CDH18: variants seen among roughly 807,000 people sequenced by gnomAD.
The protein encoded by CDH18 is cadherin 18.
Under a neutral mutation model 67.9 loss-of-function variants are expected in CDH18, and 31 were observed. The ratio of observed to expected loss-of-function variants is 0.46; its 90% CI spans 0.34 to 0.62. The LOEUF (loss-of-function observed/expected upper bound fraction) is 0.62. Ranked by LOEUF, CDH18 falls within the 20% of genes least tolerant of loss-of-function variation. The pLI is 0.01. For synonymous variants in CDH18, 362 were observed against 347.2 expected, an observed-to-expected ratio of 1.04 and a Z score of -0.48; for missense variants, 890 against 975.5, an observed-to-expected ratio of 0.91 and a Z score of 1.17.
chr5:20,076,933 CA>C (rs1245217846), intron 2 of CDH18, among the ~76,000 whole-genome samples: 1 of 151,990 alleles, frequency 6.6e-6, no homozygotes, highest in Non-Finnish European at 1.5e-5. Context: ...CATTTATCAG[CA>C]AAAAGTGACT....
At chr5:19,993,988 A>AT (rs1189643934) in intron 2 of CDH18, among the ~76,000 whole-genome samples, 5 of 152,182 alleles carry the variant, frequency 3.3e-5, no homozygotes, top group African/African-American at 9.6e-5. Flanking sequence ...TATTAAAAGT[A>AT]TTTTTTAGCC....
intron 4 of CDH18, among the ~76,000 whole-genome samples, chr5:19,724,555 A>G: frequency 6.6e-6 from 1 of 152,064 alleles, no homozygotes; most frequent in Non-Finnish European, 1.5e-5. Context: ...TTATACAAGT[A>G]AATCTAGGGA....
chr5:19,769,325 G>A (rs1396369448), intron 3 of CDH18, among the ~76,000 whole-genome samples: 3 of 152,058 alleles, frequency 2.0e-5, no homozygotes, highest in African/African-American at 4.8e-5. Flanking sequence ...AAAGAATCTT[G>A]TTACCTGCAA....
At chr5:19,672,677 G>A (rs971263368) in intron 5 of CDH18, among the ~76,000 whole-genome samples, 1 of 151,878 alleles carries the variant, frequency 6.6e-6, no homozygotes, top group Non-Finnish European at 1.5e-5. Flanking sequence ...AGCTCCATAG[G>A]AATAGTGATG....
chr5:19,568,861 G>A (rs1310229012), intron 8 of CDH18, among the ~76,000 whole-genome samples: 2 of 152,166 alleles, frequency 1.3e-5, no homozygotes, highest in African/African-American at 2.4e-5. Flanking sequence ...ATCCCAAGAT[G>A]TAATAACTAG....
At chr5:20,390,102 C>G (rs1304588033) in intron 1 of CDH18, among the ~76,000 whole-genome samples, 2 of 152,068 alleles carry the variant, frequency 1.3e-5, no homozygotes, top group Non-Finnish European at 2.9e-5. Context: ...TCTAAAACAC[C>G]AAAAGCAATG....
chr5:20,464,438 T>C (rs961943943), intron 1 of CDH18, among the ~76,000 whole-genome samples: 1 of 147,534 alleles, frequency 6.8e-6, no homozygotes, highest in Admixed American at 6.9e-5. Context: ...ATTTTGTTCA[T>C]TGAGAATTTG....
At chr5:19,597,137 G>C (rs746787772) in intron 6 of CDH18, among the ~76,000 whole-genome samples, 6 of 152,092 alleles carry the variant, frequency 3.9e-5, no homozygotes, top group Admixed American at 6.5e-5. Context: ...GTTATGTTTC[G>C]TTGCAGCCCA....
At chr5:20,213,681 TG>T (rs1740533140) in intron 2 of CDH18, among the ~76,000 whole-genome samples, 1 of 152,132 alleles carries the variant, frequency 6.6e-6, no homozygotes, top group Non-Finnish European at 1.5e-5. Context: ...TGCAAAGAGG[TG>T]TTCATAATAT....
intron 2 of CDH18, among the ~76,000 whole-genome samples, chr5:20,014,565 C>T (rs180774270): frequency 3.3e-4 from 50 of 152,166 alleles, no homozygotes; most frequent in Non-Finnish European, 6.3e-4. Context: ...AATCTGAAAG[C>T]AAGACAAAAC....
intron 8 of CDH18, among the ~76,000 whole-genome samples, chr5:19,569,177 C>A (rs1276522582): frequency 6.6e-6 from 1 of 152,208 alleles, no homozygotes; most frequent in East Asian, 1.9e-4. Flanking sequence ...CTTACCATTG[C>A]AGAAAGCCTC....
intron 1 of CDH18, among the ~76,000 whole-genome samples, chr5:20,484,988 T>C (rs1049362804): frequency 1.3e-5 from 2 of 152,048 alleles, no homozygotes; most frequent in African/African-American, 2.4e-5. Context: ...AGGTGATTGA[T>C]AAAAAAAGTG....
intron 1 of CDH18, among the ~76,000 whole-genome samples, chr5:20,323,455 G>A (rs1738229029): frequency 1.3e-5 from 2 of 152,182 alleles, no homozygotes; most frequent in Non-Finnish European, 2.9e-5. Context: ...TGTTTTAAGA[G>A]AATGTACTTG....
At chr5:19,987,330 C>T (rs1799668504) in intron 1 of CDH18, among the ~76,000 whole-genome samples, 1 of 149,646 alleles carries the variant, frequency 6.7e-6, no homozygotes, top group Admixed American at 6.6e-5. Context: ...ACATAAAAAT[C>T]AAGACAAAAT....
chr5:20,378,918 T>A (rs1429705086), intron 1 of CDH18, among the ~76,000 whole-genome samples: 1 of 152,100 alleles, frequency 6.6e-6, no homozygotes, highest in Admixed American at 6.5e-5. Context: ...TTACCTTAAT[T>A]TTCCTACAGT....
intron 2 of CDH18, among the ~76,000 whole-genome samples, chr5:20,211,061 A>G (rs935513982): frequency 1.3e-5 from 2 of 152,174 alleles, no homozygotes; most frequent in African/African-American, 4.8e-5. Context: ...GACCACCACA[A>G]TAAAGCAAAT....
intron 3 of CDH18, among the ~76,000 whole-genome samples, chr5:19,803,492 T>G (rs958583599): frequency 1.3e-5 from 2 of 152,166 alleles, no homozygotes; most frequent in African/African-American, 4.8e-5. Context: ...ATGTAGCTAG[T>G]GACTATCGTA....
chr5:20,420,602 G>A lies in CDH18; in HGVS notation c.-580+154860C>T, dbSNP rs1747787167. 2.6e-5 allele frequency among the ~76,000 whole-genome samples: 4 copies of A among 150,986 alleles called. No homozygotes were observed. In the South Asian group the frequency reaches 8.3e-4, roughly 31 times the overall value. On this transcript the variant is annotated intron_variant, in intron 1 of 14. Transcript: ENST00000507958. The stretch of plus-strand genomic sequence containing the variant: ...CCCAGTAAACATATATTACTTGCCT[G>A]GCAGTAATAAAGTTTCAAAAGACAT...
intron 3 of CDH18, among the ~76,000 whole-genome samples, chr5:19,793,318 T>C (rs1776551957): frequency 6.6e-6 from 1 of 152,142 alleles, no homozygotes. Context: ...TTTTCTAATT[T>C]CAAAATAAGT....
Sources: gnomAD v4.1 joint callset for allele counts (sites outside exome capture counted in the v4.1 genomes callset) on GRCh38, gnomAD v4.1.1 for gene constraint, MANE v1.5 for transcripts, NCBI Gene and HGNC (gene_info 2026-07-23, HGNC 2026-07-21) for gene names.